PLEKHG1: variants seen among roughly 807,000 people sequenced by gnomAD.
The protein encoded by PLEKHG1 is pleckstrin homology domain-containing family G member 1.
Under a neutral mutation model 100.8 loss-of-function variants are expected in PLEKHG1, and 44 were observed. The observed-to-expected ratio is 0.44, with a 90% CI of 0.34 to 0.56. The LOEUF (loss-of-function observed/expected upper bound fraction) is 0.56, where lower values mean the gene tolerates loss of function less well. Among genes scored for constraint, PLEKHG1 ranks in the 20% least tolerant of loss-of-function variants. PLEKHG1 has a pLI of 0.01. For missense variants in PLEKHG1, 1,545 were observed against 1,720.9 expected (o/e 0.90, Z 1.81); for synonymous variants, 640 against 662.5 (o/e 0.97, Z 0.52).
At chr6:150,796,423 T>A (rs1235904941) in intron 5 of PLEKHG1, among the ~76,000 whole-genome samples, 1 of 152,144 alleles carries the variant, frequency 6.6e-6, no homozygotes, top group Non-Finnish European at 1.5e-5. Flanking sequence ...GTTGGTTCAG[T>A]TTTCCTTGCA....
At chr6:150,830,768 G>A in exon 15 of PLEKHG1, 1 of 1,614,170 alleles carries the variant, frequency 6.2e-7, no homozygotes, top group Non-Finnish European at 8.5e-7. Flanking sequence ...GCAGGAGAAT[G>A]AGGATGATGA....
chr6:150,781,693 C>G lies in PLEKHG1; in HGVS notation c.513-4697C>G, dbSNP rs200584265. On this transcript the variant is annotated intron_variant, in intron 3 of 15. Transcript: ENST00000358517. ...AAATATCAGAACTATATTTTCTGATCTTTCAAAGGGAGTCTTTTATAGGAA... is the reference window on the plus strand; with the variant it reads ...AAATATCAGAACTATATTTTCTGATGTTTCAAAGGGAGTCTTTTATAGGAA... Among the ~76,000 whole-genome samples, 5 of 151,900 alleles carry G rather than the reference C, an allele frequency of 3.3e-5. No individual in the cohort carries two copies. In the East Asian group the frequency reaches 9.7e-4, roughly 29 times the overall value.
intron 3 of PLEKHG1, among the ~76,000 whole-genome samples, chr6:150,702,208 A>G (rs1780817383): frequency 6.6e-6 from 1 of 152,246 alleles, no homozygotes; most frequent in South Asian, 2.1e-4. Context: ...GCAGTGGCTC[A>G]TGCCTATAAT....
Position 150,819,672 on chromosome 6 carries a change from T to C in PLEKHG1, c.1313-7T>C. The C allele has an allele frequency of 6.3e-7, 1 of 1,585,142 alleles. No individual in the cohort carries two copies. The highest frequency in any genetic ancestry group is 8.7e-7 in the Non-Finnish European group (1 of 1,153,560). On this transcript the variant is annotated splice_region_variant and splice_polypyrimidine_tract_variant and intron_variant, in intron 11 of 15. Coordinates refer to ENST00000358517, the Ensembl canonical transcript of PLEKHG1. The stretch of plus-strand genomic sequence containing the variant: ...AGTCCCACTGATGCACGTGGTTATC[T>C]TTACAGATCATCCAGGCTTCTGTTA...
chr6:150,698,715 G>A (rs1780649861), intron 3 of PLEKHG1, among the ~76,000 whole-genome samples: 1 of 152,160 alleles, frequency 6.6e-6, no homozygotes, highest in Non-Finnish European at 1.5e-5. Context: ...AGTTGTGCAG[G>A]TTGTTTGTAT....
chr6:150,633,554 C>CTT (rs1777852918), intron 1 of PLEKHG1, among the ~76,000 whole-genome samples: 1 of 152,198 alleles, frequency 6.6e-6, no homozygotes, highest in Non-Finnish European at 1.5e-5. Context: ...AAACATAAGT[C>CTT]TGGAGGCTTT....
intron 2 of PLEKHG1, among the ~76,000 whole-genome samples, chr6:150,744,307 C>G (rs1783034402): frequency 6.6e-6 from 1 of 152,144 alleles, no homozygotes; most frequent in African/African-American, 2.4e-5. Flanking sequence ...ATCTCCTAAC[C>G]TCGTGATCTG....
At chr6:150,654,437 C>A (rs1028144006) in intron 3 of PLEKHG1, among the ~76,000 whole-genome samples, 9 of 152,220 alleles carry the variant, frequency 5.9e-5, no homozygotes, top group Admixed American at 4.6e-4. Context: ...GTAGGCATCA[C>A]CCTCCAGTTT....
intron 3 of PLEKHG1, among the ~76,000 whole-genome samples, chr6:150,770,253 A>C (rs145751462): frequency 6.6e-6 from 1 of 152,306 alleles, no homozygotes; most frequent in Non-Finnish European, 1.5e-5. Flanking sequence ...AAATTGGTAA[A>C]TGTGAGCTCC....
intron 3 of PLEKHG1, chr6:150,663,173 G>A (rs182656190): frequency 1.3e-5 from 2 of 152,232 alleles, no homozygotes; most frequent in East Asian, 1.9e-4. Flanking sequence ...GGTTCATTCA[G>A]ACCTGCAATT....
chr6:150,706,613 C>CAAAA lies in PLEKHG1; in HGVS notation c.-98-26961_-98-26958dup, dbSNP rs33992485. ...AGGGCAACAGAGCAAGACTCTGTCT[C>CAAAA]AAAAAAAAAAAAATCAAAAACAAAA... On this transcript the variant is annotated intron_variant, in intron 3 of 3. Coordinates refer to the PLEKHG1 transcript ENST00000367326. 2.3e-3 allele frequency among the ~76,000 whole-genome samples: 337 copies of CAAAA among 143,984 alleles called. 2 individuals are homozygous for CAAAA. Among genetic ancestry groups the CAAAA allele is most frequent in the Middle Eastern group, 0.01 (3 of 290 alleles). 94.5% of individuals were successfully genotyped at this position (143,984 alleles called of 152,430 possible).
Position 150,661,174 on chromosome 6 carries a change from C to G in PLEKHG1, c.-99+10388C>G, listed in dbSNP as rs1779175075. Among the ~76,000 whole-genome samples the G allele has an allele frequency of 2.0e-5, 3 of 152,142 alleles. No homozygotes were observed. The South Asian group carries it at 6.2e-4, about 32-fold the overall frequency. ...CACTCGCCTTGTCTACATGGTGATG[C>G]TAGAAGAAGCCTTGGCCAGTGTAGG... is the stretch of plus-strand genomic sequence containing the variant. On this transcript the variant is annotated intron_variant, in intron 3 of 3. Coordinates refer to the PLEKHG1 transcript ENST00000367326.
At chr6:150,815,234 T>C (rs138672410) in intron 10 of PLEKHG1, among the ~76,000 whole-genome samples, 188 of 152,334 alleles carry the variant, frequency 1.2e-3, no homozygotes, top group Non-Finnish European at 1.7e-3. Flanking sequence ...AGTCTAATAA[T>C]GTCAACACAG....
chr6:150,834,897 G>C (rs755068764), intron 15 of PLEKHG1, among the ~76,000 whole-genome samples: 1 of 152,170 alleles, frequency 6.6e-6, no homozygotes, highest in Non-Finnish European at 1.5e-5. Flanking sequence ...CTGGGTGATC[G>C]AGACCACTTC....
intron 3 of PLEKHG1, among the ~76,000 whole-genome samples, chr6:150,782,022 C>T (rs1785343348): frequency 6.6e-6 from 1 of 152,046 alleles, no homozygotes; most frequent in South Asian, 2.1e-4. Flanking sequence ...TCGTGATCCA[C>T]CCGCCTTGGC....
At chr6:150,731,444 T>C (rs1384902289) in intron 1 of PLEKHG1, among the ~76,000 whole-genome samples, 1 of 152,260 alleles carries the variant, frequency 6.6e-6, no homozygotes, top group Non-Finnish European at 1.5e-5. Context: ...TTTGCATCAT[T>C]TGTTTGTACT....
At chr6:150,724,504 C>T (rs1293524624) in intron 1 of PLEKHG1, among the ~76,000 whole-genome samples, 1 of 151,948 alleles carries the variant, frequency 6.6e-6, no homozygotes, top group Non-Finnish European at 1.5e-5. Flanking sequence ...GTAAAAACAG[C>T]TGCATTTGCA....
intron 1 of PLEKHG1, among the ~76,000 whole-genome samples, chr6:150,611,811 CAAAAAAA>C (rs35351890): frequency 8.2e-6 from 1 of 121,584 alleles, no homozygotes; most frequent in Non-Finnish European, 1.8e-5. Context: ...GACTCCATCT[CAAAAAAA>C]AAAAAAAAAG....
intron 1 of PLEKHG1, among the ~76,000 whole-genome samples, chr6:150,730,047 G>T (rs1308285016): frequency 2.0e-5 from 3 of 152,126 alleles, no homozygotes; most frequent in East Asian, 3.9e-4. Context: ...GTAGAGAAAA[G>T]AAATGATGAT....
Sources: gnomAD v4.1 joint callset for allele counts (sites outside exome capture counted in the v4.1 genomes callset) on GRCh38, gnomAD v4.1.1 for gene constraint, MANE v1.5 for transcripts, NCBI Gene and HGNC (gene_info 2026-07-23, HGNC 2026-07-21) for gene names.